The following NLRP5 variants were observed in gnomAD, a reference collection of about 807,000 sequenced individuals.
NLRP5 encodes the protein NLR family pyrin domain containing 5, also known as NACHT, LRR and PYD domains-containing protein 5.
A neutral mutation model predicts 113.1 loss-of-function variants in NLRP5; 93 were observed. The ratio of observed to expected loss-of-function variants is 0.82; its 90% CI spans 0.70 to 0.98. The LOEUF is 0.98. Ranked by LOEUF, NLRP5 falls within the 50% of genes least tolerant of loss-of-function variation. The probability of loss-of-function intolerance (pLI) is 0.00; values close to 1 mark genes in which losing one functional copy is unlikely to be tolerated. For missense variants in NLRP5, 1,808 were observed against 1,514.3 expected, an observed-to-expected ratio of 1.19 and a Z score of -3.22; for synonymous variants, 751 against 600.7, an observed-to-expected ratio of 1.25 and a Z score of -3.66.
rs535121596 is a variant in NLRP5 at position 56,022,781 on chromosome 19, A to G, written c.679+2350A>G. ...CTCTTGTTGTCCAGGCTGGAGTGCA[A>G]TGGCGCGATCTCAGCTCACTGCAAC... On this transcript the variant is annotated intron_variant, in intron 6 of 14. Coordinates refer to ENST00000390649, the MANE Select transcript of NLRP5 (RefSeq NM_153447.4). Among the ~76,000 whole-genome samples the G allele has an allele frequency of 8.5e-5, 13 of 152,080 alleles. No individual in the cohort carries two copies. The South Asian group carries it at 1.9e-3, about 22-fold the overall frequency.
chr19:56,060,136 T>G (rs1180724002), intron 14 of NLRP5, among the ~76,000 whole-genome samples: 1 of 152,178 alleles, frequency 6.6e-6, no homozygotes, highest in African/African-American at 2.4e-5. Context: ...TATCCTTGAT[T>G]TATGAGGCAC....
In NLRP5 at chr19:56,042,094, C is replaced by A. The variant is rs180966108; in HGVS notation, c.2957+1002C>A. On this transcript the variant is annotated intron_variant, in intron 11 of 14. Transcript: ENST00000390649. ...ACTGGGAGCAACGTGTGTCTGGAGA[C>A]TCAAGTTCTTCTCTGCTCTGCACAC... Among the ~76,000 whole-genome samples the A allele has an allele frequency of 1.6e-4, 25 of 152,334 alleles. No homozygotes were observed. The East Asian group carries it at 4.8e-3, about 29-fold the overall frequency.
rs895241145 is a variant in NLRP5, at chr19:56,008,871, G to C, written c.508+18G>C. 11 of 1,607,036 alleles carry C rather than the reference G, an allele frequency of 6.8e-6. No individual in the cohort carries two copies. In the African/African-American group the frequency reaches 1.3e-4, roughly 20 times the overall value. On this transcript the variant is annotated intron_variant, in intron 3 of 14. Coordinates refer to ENST00000390649, the MANE Select transcript of NLRP5 (RefSeq NM_153447.4). ...AGTGCCAGGTTAGAGGGGTGGAGTT[G>C]GGGGAAATAGGATGTGCTTAAAGAC...
At chr19:55,994,311 T>A in the NLRP5 span, among the ~76,000 whole-genome samples, 1 of 152,222 alleles carries the variant, frequency 6.6e-6, no homozygotes, top group Non-Finnish European at 1.5e-5. Context: ...CTTGGAGTTT[T>A]GCTATACAGT....
intron 11 of NLRP5, among the ~76,000 whole-genome samples, chr19:56,048,979 A>ATTTTTTTTTTT (rs60229740): frequency 2.1e-5 from 2 of 94,976 alleles, no homozygotes; most frequent in Non-Finnish European, 3.9e-5. Flanking sequence ...TTTTTTTTTA[A>ATTTTTTTTTTT]TTTTTTTTTT....
chr19:55,992,219 A>G, the NLRP5 span, among the ~76,000 whole-genome samples: 10 of 152,280 alleles, frequency 6.6e-5, no homozygotes, highest in East Asian at 1.9e-3. Context: ...TTATGGCTGC[A>G]TAGTATTCCA....
chr19:56,054,764 G>A (rs1984067779), intron 13 of NLRP5, among the ~76,000 whole-genome samples: 1 of 152,006 alleles, frequency 6.6e-6, no homozygotes, highest in South Asian at 2.1e-4. Context: ...TAGAAGGGGG[G>A]CAGCTGAATT....
At chr19:56,025,856 C>G (rs1299112460) in intron 6 of NLRP5, among the ~76,000 whole-genome samples, 1 of 152,116 alleles carries the variant, frequency 6.6e-6, no homozygotes, top group Non-Finnish European at 1.5e-5. Context: ...CTCCCCCTCC[C>G]CAAGGCCACT....
rs779483165 is a variant in NLRP5 at position 56,004,067 on chromosome 19, C to G, written c.414C>G (p.Leu138=). Residue 138 remains leucine (L), a synonymous_variant, in exon 2 of 15, where the codon CTC becomes CTG. Coordinates refer to ENST00000390649, the MANE Select transcript of NLRP5 (RefSeq NM_153447.4). ...TTGAAAACATGAACCTGCGAACCCT[C>G]TCGGAGAAGGCACGGGATGACATGA... 6.2e-6 allele frequency: 10 copies of G among 1,611,362 alleles called. No individual in the cohort carries two copies. The East Asian group carries it at 1.8e-4, about 29-fold the overall frequency.
rs186542256 is a variant in NLRP5 at position 56,055,374 on chromosome 19, C to T, written c.3299+1566C>T. Among the ~76,000 whole-genome samples, 169 of 151,958 alleles carry T rather than the reference C, an allele frequency of 1.1e-3. 1 individual carries two copies. The highest frequency in any genetic ancestry group is 3.7e-3 in the African/African-American group (153 of 41,438). On this transcript the variant is annotated intron_variant, in intron 13 of 14. Coordinates refer to ENST00000390649, the MANE Select transcript of NLRP5 (RefSeq NM_153447.4). ...TCTCTGTCCCCTCAACTTCTTTCTACGTGGTCATGTCCCTTCTTTAGTTCC... is the reference window on the plus strand; with the variant it reads ...TCTCTGTCCCCTCAACTTCTTTCTATGTGGTCATGTCCCTTCTTTAGTTCC...
chr19:55,994,865 G>A (rs1473076425), upstream of NLRP5, among the ~76,000 whole-genome samples: 3 of 152,128 alleles, frequency 2.0e-5, no homozygotes, highest in Admixed American at 1.3e-4. Flanking sequence ...TTTTCTTCTG[G>A]TAGTTTTATT....
rs1425061372 is a variant in NLRP5 at position 56,027,655 on chromosome 19, C to A, written c.1422C>A (p.Gly474=). Residue 474 remains glycine (G), a synonymous_variant, in exon 7 of 15, where the codon GGC becomes GGA. Transcript: ENST00000390649. ...ACCAGTGCCAGGTGCCCGCCGTGGG[C>A]TCTCTCATCTGCGTGGCCCTGCAGC... 6.2e-7 allele frequency: 1 copy of A among 1,613,288 alleles called. No homozygotes were observed. The highest frequency in any genetic ancestry group is 8.5e-7 in the Non-Finnish European group (1 of 1,179,874).
At chr19:56,007,586 C>T (rs866056356) in intron 2 of NLRP5, among the ~76,000 whole-genome samples, 8 of 150,730 alleles carry the variant, frequency 5.3e-5, no homozygotes, top group Admixed American at 4.0e-4. Flanking sequence ...GAGGTGAAGA[C>T]GGAGGGACTA....
chr19:56,035,568 G>A (rs761375006), intron 9 of NLRP5, among the ~76,000 whole-genome samples: 5 of 152,156 alleles, frequency 3.3e-5, no homozygotes, highest in African/African-American at 4.8e-5. Flanking sequence ...AGGCTATTTG[G>A]GGCCAAGGAA....
intron 11 of NLRP5, among the ~76,000 whole-genome samples, chr19:56,048,692 C>T (rs528393545): frequency 6.3e-4 from 96 of 152,104 alleles, no homozygotes; most frequent in Admixed American, 1.7e-3. Context: ...TGACAATGTG[C>T]CTAGGTGAAG....
chr19:56,015,674 C>G, intron 3 of NLRP5, 68 bp from the exon 4 acceptor site: 1 of 1,327,254 alleles, frequency 7.5e-7, no homozygotes, highest in Non-Finnish European at 1.0e-6. Flanking sequence ...TCTGGGGTGT[C>G]CAACATCTCT....
In NLRP5 at chr19:56,027,933, T is replaced by G; in HGVS notation, c.1700T>G (p.Met567Arg). 6.2e-7 allele frequency: 1 copy of G among 1,613,880 alleles called. No individual in the cohort carries two copies. The highest frequency in any genetic ancestry group is 8.5e-7 in the Non-Finnish European group (1 of 1,179,838). Reference sequence around the variant, plus strand: ...TCTGAGCTCCGTGCTCTGTTTCACATGAACATCCTTCTCCCAGACAGCCAC... The same window carrying G: ...TCTGAGCTCCGTGCTCTGTTTCACAGGAACATCCTTCTCCCAGACAGCCAC... The change falls in exon 7 of 15, where the codon ATG (methionine) becomes AGG (arginine). Residue 567 changes from methionine (M) to arginine (R), a missense_variant. Transcript: ENST00000390649.
intron 3 of NLRP5, among the ~76,000 whole-genome samples, chr19:56,011,684 CCTATGTCTTTTT>C (rs1982197907): frequency 2.0e-5 from 3 of 150,288 alleles, no homozygotes; most frequent in African/African-American, 7.3e-5. Flanking sequence ...TTTTTCTTTT[CCTATGTCTTTTT>C]TTTTTTTCTT....
the NLRP5 span, among the ~76,000 whole-genome samples, chr19:55,993,466 CTCT>C: frequency 0.025 from 7 of 278 alleles, 3 homozygotes; most frequent in South Asian, 0.3. Context: ...TCTCTCCCCC[CTCT>C]CTCCCCCCTC....
Sources: gnomAD v4.1 joint callset for allele counts (sites outside exome capture counted in the v4.1 genomes callset) on GRCh38, gnomAD v4.1.1 for gene constraint, MANE v1.5 for transcripts, NCBI Gene and HGNC (gene_info 2026-07-23, HGNC 2026-07-21) for gene names.